The following RIMKLB variants were observed in gnomAD, a reference collection of about 807,000 sequenced individuals.
RIMKLB encodes the protein ribosomal modification protein rimK like family member B.
A neutral mutation model predicts 32.0 loss-of-function variants in RIMKLB; 7 were observed. That is an observed-to-expected ratio of 0.22 (90% CI 0.12 to 0.41). The LOEUF (loss-of-function observed/expected upper bound fraction) is 0.41, where lower values mean the gene tolerates loss of function less well. Ranked by LOEUF, RIMKLB falls within the 10% of genes least tolerant of loss-of-function variation. RIMKLB has a pLI of 1.00. For synonymous variants in RIMKLB, 172 were observed against 185.1 expected (o/e 0.93, Z 0.57); for missense variants, 289 against 498.7 (o/e 0.58, Z 4.00).
rs768826593 is a variant in RIMKLB, at chr12:8,732,447, G to A, written c.176-17415G>A. On this transcript the variant is annotated intron_variant, in intron 2 of 5. Transcript: ENST00000535829. The stretch of plus-strand genomic sequence containing the variant: ...TATTCCATTTCTGTTTATGGAGATA[G>A]TAATCTTGTGTTTTAACATGGCTGA... Among the ~76,000 whole-genome samples, 3 of 152,238 alleles carry A rather than the reference G, an allele frequency of 2.0e-5. No individual in the cohort carries two copies. In the East Asian group the frequency reaches 5.8e-4, roughly 29 times the overall value.
At chr12:8,744,757 T>G (rs1287856070) in intron 2 of RIMKLB, among the ~76,000 whole-genome samples, 4 of 151,782 alleles carry the variant, frequency 2.6e-5, no homozygotes, top group Non-Finnish European at 4.4e-5. Context: ...GCCTCCTAGG[T>G]TCAAGTGTAC....
At chr12:8,684,898 C>T (rs1028944596) in intron 1 of RIMKLB, among the ~76,000 whole-genome samples, 1 of 152,226 alleles carries the variant, frequency 6.6e-6, no homozygotes, top group Non-Finnish European at 1.5e-5. Flanking sequence ...GGTGGGATTA[C>T]AGGCGTGAGC....
intron 2 of RIMKLB, among the ~76,000 whole-genome samples, chr12:8,726,562 G>C (rs1031529093): frequency 6.6e-6 from 1 of 151,098 alleles, no homozygotes; most frequent in East Asian, 1.9e-4. Context: ...TATCTAGCAT[G>C]GTATATCTTT....
rs571307378 is a variant in RIMKLB at position 8,686,984 on chromosome 12, G to T, written n.219+5166G>T. 1.1e-4 allele frequency among the ~76,000 whole-genome samples: 16 copies of T among 152,288 alleles called. No individual in the cohort carries two copies. The South Asian group carries it at 3.1e-3, about 30-fold the overall frequency. The stretch of plus-strand genomic sequence containing the variant: ...TTCTCTAAGGATTTCAATCTGGTGT[G>T]TCTGTGGTGGGGTAAGAATACGTAC... On this transcript the variant is annotated intron_variant and non_coding_transcript_variant, in intron 1 of 1. Coordinates refer to the RIMKLB transcript ENST00000538758.
At chr12:8,752,911 G>T (rs995761554) in intron 4 of RIMKLB, among the ~76,000 whole-genome samples, 3 of 151,792 alleles carry the variant, frequency 2.0e-5, no homozygotes, top group Admixed American at 1.3e-4. Context: ...CAGCTACTTT[G>T]TTTTTTCTAT....
Position 8,773,842 on chromosome 12 carries a change from T to C in RIMKLB, c.*58T>C, listed in dbSNP as rs1000428538. The C allele has an allele frequency of 1.5e-5, 23 of 1,539,040 alleles. No individual in the cohort carries two copies. The highest frequency in any genetic ancestry group is 2.0e-5 in the Non-Finnish European group (23 of 1,144,470). On this transcript the variant is annotated 3_prime_UTR_variant, in exon 6 of 6. Coordinates refer to ENST00000535829, the MANE Select transcript of RIMKLB (RefSeq NM_001297776.2). ...AAAACTTTCTTTCTTCTTTTCTATT[T>C]TTAAAACCAACTTGCAATGCTGTTC...
At chr12:8,687,870 C>G (rs929803801) in intron 1 of RIMKLB, among the ~76,000 whole-genome samples, 2 of 125,940 alleles carry the variant, frequency 1.6e-5, no homozygotes, top group Non-Finnish European at 3.4e-5. Context: ...CTTCAAGAAA[C>G]AATTGCTTTG....
At chr12:8,747,519 T>C (rs1948207053) in intron 2 of RIMKLB, among the ~76,000 whole-genome samples, 1 of 152,296 alleles carries the variant, frequency 6.6e-6, no homozygotes, top group East Asian at 1.9e-4. Flanking sequence ...AAAATTAATA[T>C]ACTGTCTGTC....
chr12:8,717,966 C>G (rs954302048), intron 2 of RIMKLB, among the ~76,000 whole-genome samples: 4 of 152,168 alleles, frequency 2.6e-5, no homozygotes, highest in African/African-American at 9.7e-5. Flanking sequence ...TGTTGTAGCA[C>G]TGTCCTTGGG....
chr12:8,682,222 T>C (rs2136521628), intron 1 of RIMKLB, among the ~76,000 whole-genome samples: 1 of 152,322 alleles, frequency 6.6e-6, no homozygotes, highest in Middle Eastern at 3.4e-3. Context: ...ATGTAGTTCC[T>C]AAATCGGGAC....
the RIMKLB span, among the ~76,000 whole-genome samples, chr12:8,671,616 A>G: frequency 2.0e-5 from 3 of 151,842 alleles, no homozygotes; most frequent in African/African-American, 4.8e-5. Context: ...TGCTTTCCTT[A>G]TAAAACTGAA....
chr12:8,773,210 C>T (rs1950541706), intron 5 of RIMKLB, 111 bp from the exon 6 acceptor site: 1 of 737,244 alleles, frequency 1.4e-6, no homozygotes, highest in African/African-American at 1.8e-5. Context: ...TAGAATAACG[C>T]CTTTGTTTTC....
intron 5 of RIMKLB, among the ~76,000 whole-genome samples, chr12:8,768,471 A>G (rs1950152375): frequency 6.6e-6 from 1 of 152,234 alleles, no homozygotes; most frequent in Non-Finnish European, 1.5e-5. Flanking sequence ...GGGTTGCCTT[A>G]GAATGTTTTC....
chr12:8,693,398 TTTC>T (rs1217547906), upstream of RIMKLB, among the ~76,000 whole-genome samples: 475 of 141,278 alleles, frequency 3.4e-3, 3 homozygotes, highest in African/African-American at 0.01. Flanking sequence ...TCTTTCTTTC[TTTC>T]TTTTTTTTTT....
chr12:8,775,787 C>T lies in RIMKLB; in HGVS notation c.*2003C>T. ...TCATCTGTGCAGTGTCTCATTTCACCTCAGAGAAAAGGATACATAAGAGGA... is the reference window on the plus strand; with the variant it reads ...TCATCTGTGCAGTGTCTCATTTCACTTCAGAGAAAAGGATACATAAGAGGA... On this transcript the variant is annotated 3_prime_UTR_variant, in exon 6 of 6. Coordinates refer to ENST00000535829, the MANE Select transcript of RIMKLB (RefSeq NM_001297776.2). 3.0e-6 allele frequency: 3 copies of T among 985,234 alleles called. No homozygotes were observed. Among genetic ancestry groups the T allele is most frequent in the Non-Finnish European group, 3.6e-6 (3 of 829,562 alleles). 61.0% of individuals were successfully genotyped at this position (985,234 alleles called of 1,614,324 possible). A position where few individuals can be genotyped will look rare whatever the true frequency, so the allele number is the denominator to read the frequency against.
Position 8,775,155 on chromosome 12 carries a change from T to A in RIMKLB, c.*1371T>A. 1.0e-6 allele frequency: 1 copy of A among 985,612 alleles called. No homozygotes were observed. Among genetic ancestry groups the A allele is most frequent in the South Asian group, 4.7e-5 (1 of 21,284 alleles). 61.1% of individuals were successfully genotyped at this position (985,612 alleles called of 1,614,324 possible). On this transcript the variant is annotated 3_prime_UTR_variant, in exon 6 of 6. Coordinates refer to ENST00000535829, the MANE Select transcript of RIMKLB (RefSeq NM_001297776.2). Reference sequence around the variant, plus strand: ...GTTCAGTGTACAGTTTATTCAAGGCTACATGCTTTTCTTTAATGCTTCTGG... The same window carrying A: ...GTTCAGTGTACAGTTTATTCAAGGCAACATGCTTTTCTTTAATGCTTCTGG...
intron 5 of RIMKLB, among the ~76,000 whole-genome samples, chr12:8,768,450 G>A (rs951809151): frequency 1.3e-5 from 2 of 152,138 alleles, no homozygotes; most frequent in African/African-American, 4.8e-5. Flanking sequence ...CAAAGGGAGG[G>A]GACCCAAAGG....
At chr12:8,696,577 C>A (rs1942896640), upstream of RIMKLB, among the ~76,000 whole-genome samples, 2 of 152,084 alleles carry the variant, frequency 1.3e-5, no homozygotes, top group Non-Finnish European at 2.9e-5. Context: ...CTATTTTTAT[C>A]CTCACTTTTA....
At chr12:8,754,121 TATATA>T in intron 5 of RIMKLB, 28 bp downstream of exon 5, 1 of 1,500,570 alleles carries the variant, frequency 6.7e-7, no homozygotes, top group Non-Finnish European at 9.3e-7. Context: ...ATCTTTCTAG[TATATA>T]AAGTAACATT....
Sources: gnomAD v4.1 joint callset for allele counts (sites outside exome capture counted in the v4.1 genomes callset) on GRCh38, gnomAD v4.1.1 for gene constraint, MANE v1.5 for transcripts, NCBI Gene and HGNC (gene_info 2026-07-23, HGNC 2026-07-21) for gene names.